Variants in ITGAD observed in about 807,000 individuals in gnomAD.
ITGAD encodes the protein integrin alpha-D.
In ITGAD, 105 loss-of-function variants were observed where a neutral mutation model predicts 139.0. The ratio of observed to expected loss-of-function variants is 0.76; its 90% CI spans 0.65 to 0.89. The LOEUF is 0.89. ITGAD is among the 40% of genes least tolerant of loss of function. ITGAD has a pLI of 0.00. For missense variants in ITGAD, 1,384 were observed against 1,487.3 expected (o/e 0.93, Z 1.14); for synonymous variants, 569 against 598.3 (o/e 0.95, Z 0.71).
rs1486059838 is a variant in ITGAD at position 31,411,341 on chromosome 16, G to A, written c.1531G>A (p.Gly511Ser). ...GTGGCAGTGTGACGCTGTTCTCCGTGGTGAGCAGGGCCACCCCTGGGGCCG... is the reference window on the plus strand; with the variant it reads ...GTGGCAGTGTGACGCTGTTCTCCGTAGTGAGCAGGGCCACCCCTGGGGCCG... ...VQWQCDAVLR[G>S]EQGHPWGRFG... The change falls in exon 14 of 30, where the codon GGT becomes AGT. Residue 511 changes from glycine to serine, a missense_variant. Transcript: ENST00000389202. 6.2e-7 allele frequency: 1 copy of A among 1,613,924 alleles called. No individual in the cohort carries two copies. Among genetic ancestry groups the A allele is most frequent in the East Asian group, 2.2e-5 (1 of 44,872 alleles).
At position 31,414,594 on chromosome 16, in the gene ITGAD, C is replaced by T; in HGVS notation, c.2140C>T (p.Leu714=). The part of the protein sequence containing the change: ...GLGIHCETLK[L]LLPDCVEDVV... Reference sequence around the variant, plus strand: ...GGGGATTCACTGTGAAACCCTGAAGCTGCTTTTGCCAGTGAGGACTTTGGG... The same window carrying T: ...GGGGATTCACTGTGAAACCCTGAAGTTGCTTTTGCCAGTGAGGACTTTGGG... Residue 714 remains leucine, a synonymous_variant, in exon 17 of 30, where the codon CTG becomes TTG. Coordinates refer to ENST00000389202, the MANE Select transcript of ITGAD (RefSeq NM_005353.3). 1 of 1,614,110 alleles carries T rather than the reference C, an allele frequency of 6.2e-7. No individual in the cohort carries two copies. Among genetic ancestry groups the T allele is most frequent in the South Asian group, 1.1e-5 (1 of 91,082 alleles).
At chr16:31,417,967 A>G in intron 20 of ITGAD, 108 bp from the exon 21 acceptor site, 1 of 880,508 alleles carries the variant, frequency 1.1e-6, no homozygotes, top group Non-Finnish European at 1.8e-6. Context: ...AACAACAAAA[A>G]AAGAAAAGTC....
Position 31,403,759 on chromosome 16 carries a change from A to C in ITGAD, c.704+114A>C. 7.2e-7 allele frequency: 1 copy of C among 1,380,276 alleles called. No individual in the cohort carries two copies. The highest frequency in any genetic ancestry group is 1.0e-6 in the Non-Finnish European group (1 of 1,001,016). The allele number at this position is 1,380,276 out of a possible 1,614,324, so 85.5% of individuals were successfully genotyped here. A position where few individuals can be genotyped will look rare whatever the true frequency, so the allele number is the denominator to read the frequency against. The stretch of plus-strand genomic sequence containing the variant: ...GAGGCTCCAGGGAAAGGGGCTACCA[A>C]GGGGCATGTCGGGGCTGCAGGGAGA... On this transcript the variant is annotated intron_variant, in intron 7 of 29. Transcript: ENST00000389202. The surrounding 1 kb of genome is among the most constrained non-coding windows in gnomAD (Gnocchi z 4.4).
chr16:31,406,223 C>T (rs191217499), intron 7 of ITGAD, among the ~76,000 whole-genome samples: 21 of 152,156 alleles, frequency 1.4e-4, no homozygotes, highest in African/African-American at 3.9e-4. Context: ...TACAGGCACG[C>T]GCCACCATAC....
chr16:31,413,327 A>G, intron 16 of ITGAD, 81 bp downstream of exon 16: 1 of 1,454,214 alleles, frequency 6.9e-7, no homozygotes. Context: ...GGATGGGCCT[A>G]GGAATCCAAT....
chr16:31,411,553 C>T (rs1567341111), intron 14 of ITGAD, 36 bp downstream of exon 14: 3 of 1,601,510 alleles, frequency 1.9e-6, no homozygotes, highest in Admixed American at 3.3e-5. Context: ...AGTCCCAGCT[C>T]CTTCCCATGT....
chr16:31,398,508 G>A (rs2081328823), intron 5 of ITGAD, among the ~76,000 whole-genome samples: 1 of 151,566 alleles, frequency 6.6e-6, no homozygotes, highest in South Asian at 2.1e-4. Context: ...TTGAGACAGA[G>A]TCTTGCTCTG....
intron 5 of ITGAD, among the ~76,000 whole-genome samples, chr16:31,401,127 G>T (rs1382088877): frequency 6.6e-6 from 1 of 152,138 alleles, no homozygotes; most frequent in Non-Finnish European, 1.5e-5. Flanking sequence ...AGGCAAGGTG[G>T]TGCACACCTG....
At chr16:31,409,281 C>T (rs759398331) in intron 10 of ITGAD, among the ~76,000 whole-genome samples, 23 of 151,318 alleles carry the variant, frequency 1.5e-4, no homozygotes, top group African/African-American at 5.1e-4. Context: ...GGTGACAGAA[C>T]GAGTCTCTGT....
At position 31,411,428 on chromosome 16, in the gene ITGAD, A is replaced by G. The variant is rs1470540669; in HGVS notation, c.1618A>G (p.Ile540Val). Residue 540 changes from isoleucine (I) to valine (V), a missense_variant, in exon 14 of 30, where the codon ATT becomes GTT. Physicochemically the swap from Ile to Val is conservative, Grantham distance 29. Transcript: ENST00000389202. ...TGAGGACAAGCTGATAGACGTGGCC[A>G]TTGGGGCCCCGGGAGAGCAGGAGAA... ...VNEDKLIDVAIGAPGEQENRG... is the reference protein window; with the variant it reads ...VNEDKLIDVAVGAPGEQENRG... The G allele has an allele frequency of 6.2e-7, 1 of 1,614,060 alleles. No individual in the cohort carries two copies. The highest frequency in any genetic ancestry group is 1.7e-5 in the Admixed American group (1 of 60,008).
At position 31,397,377 on chromosome 16, in the gene ITGAD, C is replaced by T. The variant is rs201420927; in HGVS notation, c.156C>T (p.Pro52=). 1 of 1,601,842 alleles carries T rather than the reference C, an allele frequency of 6.2e-7. No individual in the cohort carries two copies. The change falls in exon 3 of 30, where the codon CCC becomes CCT. Residue 52 remains proline, a synonymous_variant. Coordinates refer to ENST00000389202, the MANE Select transcript of ITGAD (RefSeq NM_005353.3). ...TCTCCAGACTCGTGGTGGGAGCACC[C>T]CTGGAGGTGGTGGCGGCCAACCAGA... ...FGGSRLVVGA[P]LEVVAANQTG...
Position 31,416,509 on chromosome 16 carries a change from C to T in ITGAD, c.2362C>T (p.Gln788Ter). 1 of 1,610,010 alleles carries T rather than the reference C, an allele frequency of 6.2e-7. No individual in the cohort carries two copies. Among genetic ancestry groups the T allele is most frequent in the Non-Finnish European group, 8.5e-7 (1 of 1,176,606 alleles). Residue 788 changes from glutamine (Q) to a stop codon, truncating the protein, a stop_gained, in exon 20 of 30, where the codon CAG becomes TAG. Transcript: ENST00000389202. LOFTEE classifies it high-confidence loss of function. ...LGVTLSFSGL[Q>*]TLTVGSSLEL... Reference sequence around the variant, plus strand: ...AGCCTCGTCCTTCCCCTTCAGCCTGCAGACCCTGACCGTGGGGAGCTCCCT... The same window carrying T: ...AGCCTCGTCCTTCCCCTTCAGCCTGTAGACCCTGACCGTGGGGAGCTCCCT...
intron 2 of ITGAD, 99 bp downstream of exon 2, chr16:31,394,440 A>T: frequency 1.3e-6 from 1 of 776,532 alleles, no homozygotes; most frequent in Admixed American, 2.2e-5. Flanking sequence ...GAGGAAGGCC[A>T]GCAGGGGTGA....
intron 2 of ITGAD, among the ~76,000 whole-genome samples, chr16:31,394,623 C>A (rs994931041): frequency 3.3e-5 from 5 of 152,348 alleles, no homozygotes; most frequent in South Asian, 2.1e-4. Flanking sequence ...ACAGGGCCCA[C>A]ACTCATTAAC....
Position 31,418,079 on chromosome 16 carries a change from A to C in ITGAD, c.2504A>C (p.Gln835Pro), listed in dbSNP as rs1597154894. Residue 835 changes from glutamine to proline, a missense_variant, in exon 21 of 30, where the codon CAG (glutamine) becomes CCG (proline). Coordinates refer to ENST00000389202, the MANE Select transcript of ITGAD (RefSeq NM_005353.3). The stretch of plus-strand genomic sequence containing the variant: ...AAATTCATTCTCCTCCCCTAGAAGC[A>C]GCCCCATCAGAGTGCCCTGCGCCTG... Reference protein sequence around the residue: ...SHRRVSGAQKQPHQSALRLAC... With the variant: ...SHRRVSGAQKPPHQSALRLAC... The C allele has an allele frequency of 3.1e-6, 5 of 1,613,908 alleles. No individual in the cohort carries two copies. In the East Asian group the frequency reaches 1.1e-4, roughly 36 times the overall value.
intron 24 of ITGAD, 64 bp from the exon 25 acceptor site, chr16:31,423,288 G>A: frequency 1.9e-6 from 3 of 1,582,952 alleles, no homozygotes; most frequent in South Asian, 1.1e-5. Context: ...GGTAGGGCCA[G>A]GAGGGAAGTA....
intron 17 of ITGAD, 99 bp downstream of exon 17, chr16:31,414,704 T>A: frequency 6.4e-7 from 1 of 1,566,784 alleles, no homozygotes; most frequent in South Asian, 1.2e-5. Context: ...AGGGTTAGGA[T>A]GTTGGGGCTG....
Position 31,403,650 on chromosome 16 carries a change from G to T in ITGAD, c.704+5G>T, listed in dbSNP as rs769772036. The T allele has an allele frequency of 1.8e-5, 29 of 1,614,140 alleles. No homozygotes were observed. The South Asian group carries it at 3.1e-4, about 17-fold the overall frequency. On this transcript the variant is annotated splice_donor_5th_base_variant and intron_variant, in intron 7 of 29. Coordinates refer to ENST00000389202, the MANE Select transcript of ITGAD (RefSeq NM_005353.3). The surrounding 1 kb of genome is among the most constrained non-coding windows in gnomAD (Gnocchi z 4.4). The stretch of plus-strand genomic sequence containing the variant: ...CACGGGCATCCTGACAGTGGTGTAA[G>T]CAACCCCGACCCCAGCCTGGCGATG...
Position 31,415,921 on chromosome 16 carries a change from C to T in ITGAD, c.2284-292C>T, listed in dbSNP as rs551897974. Among the ~76,000 whole-genome samples the T allele has an allele frequency of 5.9e-5, 9 of 152,334 alleles. No homozygotes were observed. The East Asian group carries it at 1.5e-3, about 26-fold the overall frequency. On this transcript the variant is annotated intron_variant, in intron 18 of 29. Transcript: ENST00000389202. ...CATTTCCACCTTCCCCCAGCCCTCG[C>T]CCAACCCAGAACCTGCACAATTATT...
Sources: gnomAD v4.1 joint callset for allele counts (sites outside exome capture counted in the v4.1 genomes callset) on GRCh38, gnomAD v4.1.1 for gene constraint, Gnocchi (gnomAD v3.1) non-coding constraint, MANE v1.5 for transcripts, NCBI Gene and HGNC (gene_info 2026-07-23, HGNC 2026-07-21) for gene names.